ASH1L: variants seen among roughly 807,000 people sequenced by gnomAD.
ASH1L encodes the protein histone-lysine N-methyltransferase ASH1L.
A neutral mutation model predicts 269.0 loss-of-function variants in ASH1L; 23 were observed. The ratio of observed to expected loss-of-function variants is 0.09; its 90% confidence interval spans 0.06 to 0.12. The LOEUF (loss-of-function observed/expected upper bound fraction) is 0.12, where lower values mean the gene tolerates loss of function less well. Ranked by LOEUF, ASH1L falls within the 10% of genes least tolerant of loss-of-function variation. The pLI, the probability that ASH1L is intolerant of heterozygous loss-of-function variation, is 1.00. For missense variants in ASH1L, 2,912 were observed against 3,567.8 expected (o/e 0.82, Z 4.68); for synonymous variants, 1,187 against 1,253.5 (o/e 0.95, Z 1.12).
At chr1:155,385,213 C>T (rs969145363) in intron 7 of ASH1L, among the ~76,000 whole-genome samples, 19 of 152,066 alleles carry the variant, frequency 1.2e-4, no homozygotes, top group Non-Finnish European at 1.5e-4. Context: ...GGAGGTGAGG[C>T]GGGCAGATCA....
intron 2 of ASH1L, among the ~76,000 whole-genome samples, chr1:155,511,842 C>A (rs1286211698): frequency 3.3e-5 from 5 of 151,078 alleles, no homozygotes; most frequent in African/African-American, 9.8e-5. Flanking sequence ...TGGAGTTTTG[C>A]TCTTGTTGCC....
rs146350303 is a variant in ASH1L at position 155,472,030 on chromosome 1, C to T, written c.4984+5856G>A. ...AAAAAGCCAAGTGCAGTGGCTCACACCTGTAATCCCAGTACTCTGGAAGGC... is the reference window on the plus strand; with the variant it reads ...AAAAAGCCAAGTGCAGTGGCTCACATCTGTAATCCCAGTACTCTGGAAGGC... On this transcript the variant is annotated intron_variant, in intron 3 of 27. Transcript: ENST00000392403. 5.8e-3 allele frequency among the ~76,000 whole-genome samples: 888 copies of T among 152,308 alleles called. 7 individuals carry two copies. Among genetic ancestry groups the T allele is most frequent in the African/African-American group, 0.02 (834 of 41,568 alleles).
chr1:155,548,261 C>T (rs1670965257), intron 1 of ASH1L, among the ~76,000 whole-genome samples: 1 of 152,160 alleles, frequency 6.6e-6, no homozygotes, highest in Admixed American at 6.5e-5. Flanking sequence ...GTGGCTCACG[C>T]CTGTAATCCC....
rs1207836409 is a variant in ASH1L at position 155,344,058 on chromosome 1, A to T, written c.7981+125T>A. On this transcript the variant is annotated intron_variant, in intron 22 of 27. Transcript: ENST00000392403. The stretch of plus-strand genomic sequence containing the variant: ...ATGTAAGCACAAGGACTACAGATAT[A>T]AAAACTTATATTCTATTGCTATTCG... The T allele has an allele frequency of 7.4e-6, 6 of 814,770 alleles. No homozygotes were observed. In the Admixed American group the frequency reaches 1.4e-4, roughly 19 times the overall value. 50.5% of individuals were successfully genotyped at this position (814,770 alleles called of 1,614,324 possible). A position where few individuals can be genotyped will look rare whatever the true frequency, so the allele number is the denominator to read the frequency against.
rs556235058 is a variant in ASH1L, at chr1:155,485,029, C to T, written c.421-2580G>A. 2.5e-4 allele frequency among the ~76,000 whole-genome samples: 37 copies of T among 149,338 alleles called. No individual in the cohort carries two copies. In the South Asian group the frequency reaches 4.0e-3, roughly 16 times the overall value. ...ATCCCAGCACTTTGTGAGGCCAAGA[C>T]GGGTGGATCACCTGAGGTCAGGAGT... On this transcript the variant is annotated intron_variant, in intron 2 of 27. Coordinates refer to ENST00000392403, the MANE Select transcript of ASH1L (RefSeq NM_018489.3).
intron 3 of ASH1L, among the ~76,000 whole-genome samples, chr1:155,476,731 T>A (rs775173942): frequency 1.1e-4 from 17 of 151,618 alleles, no homozygotes; most frequent in Non-Finnish European, 2.4e-4. Flanking sequence ...TTTTTTGTAT[T>A]TTAAGTAGAG....
intron 17 of ASH1L, among the ~76,000 whole-genome samples, chr1:155,351,260 AT>A (rs1653900509): frequency 6.6e-6 from 1 of 150,640 alleles, no homozygotes; most frequent in African/African-American, 2.4e-5. Context: ...AAAAAAAAAA[AT>A]TAGTTTGGCG....
chr1:155,420,015 C>T (rs991401629), intron 5 of ASH1L, among the ~76,000 whole-genome samples: 5 of 152,100 alleles, frequency 3.3e-5, no homozygotes, highest in Non-Finnish European at 7.4e-5. Context: ...TTAAACAATG[C>T]TACTTAAACA....
chr1:155,491,551 T>C (rs1666786844), intron 2 of ASH1L, among the ~76,000 whole-genome samples: 1 of 152,264 alleles, frequency 6.6e-6, no homozygotes, highest in Non-Finnish European at 1.5e-5. Flanking sequence ...TCAAGGTCAC[T>C]TAACCAGTAA....
chr1:155,450,871 A>C (rs1663410571), intron 4 of ASH1L, among the ~76,000 whole-genome samples: 1 of 152,178 alleles, frequency 6.6e-6, no homozygotes, highest in Non-Finnish European at 1.5e-5. Flanking sequence ...TTCAGCCTTA[A>C]AAGGGAAGGC....
intron 4 of ASH1L, among the ~76,000 whole-genome samples, chr1:155,456,504 T>C (rs574525659): frequency 2.6e-5 from 4 of 152,310 alleles, no homozygotes; most frequent in South Asian, 4.2e-4. Context: ...TATTTAAGTG[T>C]CCTTCACTAA....
At chr1:155,447,649 A>G (rs1663138087) in intron 4 of ASH1L, among the ~76,000 whole-genome samples, 1 of 152,146 alleles carries the variant, frequency 6.6e-6, no homozygotes, top group South Asian at 2.1e-4. Context: ...GCCTGTTGCC[A>G]TTTGTAGCAT....
In ASH1L at chr1:155,481,071, C is replaced by A. The variant is rs746197709; in HGVS notation, c.1799G>T (p.Gly600Val). 5 of 1,613,906 alleles carry A rather than the reference C, an allele frequency of 3.1e-6. No individual in the cohort carries two copies. Among genetic ancestry groups the A allele is most frequent in the African/African-American group, 1.3e-5 (1 of 74,906 alleles). ...ELIEEISESV[G>V]KNQFTSESTH... ...ACTTTCAGAAGTAAACTGGTTCTTT[C>A]CAACAGATTCAGAAATTTCTTCGAT... The change falls in exon 3 of 28, where the codon GGA becomes GTA. Residue 600 changes from glycine (G) to valine (V), a missense_variant. Gly to Val is a moderately radical substitution (Grantham distance 109). Coordinates refer to ENST00000392403, the MANE Select transcript of ASH1L (RefSeq NM_018489.3).
At chr1:155,462,473 C>T (rs1664380837) in intron 3 of ASH1L, among the ~76,000 whole-genome samples, 1 of 152,230 alleles carries the variant, frequency 6.6e-6, no homozygotes, top group African/African-American at 2.4e-5. Flanking sequence ...AAAGAGGGTA[C>T]AGGCACTTTC....
intron 12 of ASH1L, among the ~76,000 whole-genome samples, chr1:155,362,400 T>TA (rs1001556035): frequency 1.3e-3 from 191 of 141,990 alleles, no homozygotes; most frequent in Non-Finnish European, 1.8e-3. Flanking sequence ...CTTAATATAT[T>TA]AAAAAAAAAA....
chr1:155,402,717 T>G (rs1283125833), intron 6 of ASH1L, among the ~76,000 whole-genome samples: 1 of 152,000 alleles, frequency 6.6e-6, no homozygotes, highest in Non-Finnish European at 1.5e-5. Context: ...GCCTGGATAA[T>G]TATTTAAAAA....
chr1:155,488,492 A>C (rs1397676113), intron 2 of ASH1L, among the ~76,000 whole-genome samples: 1 of 139,052 alleles, frequency 7.2e-6, no homozygotes, highest in Non-Finnish European at 1.5e-5. Flanking sequence ...ACTCGCCTAT[A>C]CTAAAAATAC....
chr1:155,349,633 C>G (rs1171781507), intron 17 of ASH1L, 37 bp from the exon 18 acceptor site: 1 of 1,601,326 alleles, frequency 6.2e-7, no homozygotes, highest in Non-Finnish European at 8.5e-7. Flanking sequence ...AAAGATTCCA[C>G]CATACAAGGG....
intron 2 of ASH1L, 39 bp downstream of exon 2, chr1:155,521,061 T>C (rs757630795): frequency 6.6e-7 from 1 of 1,524,708 alleles, no homozygotes; most frequent in Non-Finnish European, 8.8e-7. Context: ...GAAATGAAAA[T>C]ATTGTCAATA....
Sources: allele counts gnomAD v4.1 joint callset (sites outside exome capture counted in the v4.1 genomes callset), GRCh38; gene constraint gnomAD v4.1.1; transcripts MANE v1.5; gene names NCBI Gene and HGNC (gene_info 2026-07-23, HGNC 2026-07-21).